Variants in ABTB3 observed in about 807,000 individuals in gnomAD.
ABTB3 encodes ankyrin repeat and BTB domain containing 3, also known as ankyrin repeat- and BTB/POZ domain-containing protein 3.
chr12:107,462,919 G>A, the ABTB3 span, among the ~76,000 whole-genome samples: 49 of 151,676 alleles, frequency 3.2e-4, no homozygotes, highest in Middle Eastern at 3.4e-3. Flanking sequence ...GTGTAGTGAC[G>A]GTGATGATGA....
At chr12:107,376,226 T>C in the ABTB3 span, among the ~76,000 whole-genome samples, 1 of 152,126 alleles carries the variant, frequency 6.6e-6, no homozygotes, top group African/African-American at 2.4e-5. Context: ...CTTCACAGGG[T>C]ATGTATTACA....
chr12:107,525,383 A>C, the ABTB3 span, among the ~76,000 whole-genome samples: 1 of 151,738 alleles, frequency 6.6e-6, no homozygotes. Context: ...AAAGAGAAAA[A>C]ATATTACTGC....
chr12:107,441,659 C>A, the ABTB3 span, among the ~76,000 whole-genome samples: 1 of 151,548 alleles, frequency 6.6e-6, no homozygotes, highest in Admixed American at 6.6e-5. Context: ...CTGGGGGGTC[C>A]AGACACAGTG....
the ABTB3 span, among the ~76,000 whole-genome samples, chr12:107,562,708 A>G: frequency 6.6e-6 from 1 of 152,268 alleles, no homozygotes; most frequent in Admixed American, 6.5e-5. Flanking sequence ...TTGTCTTAGT[A>G]TAGGCTCTAA....
At chr12:107,467,370 T>A in the ABTB3 span, among the ~76,000 whole-genome samples, 6 of 152,082 alleles carry the variant, frequency 3.9e-5, no homozygotes, top group African/African-American at 2.4e-5. Context: ...TGGCCAGTGA[T>A]CCCAGCAGGC....
At chr12:107,426,499 A>T in the ABTB3 span, among the ~76,000 whole-genome samples, 55 of 151,678 alleles carry the variant, frequency 3.6e-4, no homozygotes, top group African/African-American at 1.3e-3. Context: ...CTTCCTGCTC[A>T]CTCAACCCGA....
chr12:107,441,774 C>CAAAA, the ABTB3 span, among the ~76,000 whole-genome samples: 44 of 80,044 alleles, frequency 5.5e-4, 3 homozygotes, highest in African/African-American at 2.4e-3. Context: ...CTTGTCTCTA[C>CAAAA]AAAAAAAAAA....
At chr12:107,611,702 G>A in the ABTB3 span, among the ~76,000 whole-genome samples, 2 of 152,242 alleles carry the variant, frequency 1.3e-5, no homozygotes, top group East Asian at 3.9e-4. Flanking sequence ...TTTTCTTAAG[G>A]TTCTCAATCT....
the ABTB3 span, among the ~76,000 whole-genome samples, chr12:107,505,041 G>A: frequency 6.6e-6 from 1 of 152,216 alleles, no homozygotes; most frequent in East Asian, 1.9e-4. Flanking sequence ...GAAGTGGAGA[G>A]CTGGTAACAG....
At chr12:107,440,750 G>C in the ABTB3 span, among the ~76,000 whole-genome samples, 7 of 152,166 alleles carry the variant, frequency 4.6e-5, no homozygotes, top group Non-Finnish European at 8.8e-5. Flanking sequence ...GGAAATGGAA[G>C]GGAGGCAGGG....
the ABTB3 span, among the ~76,000 whole-genome samples, chr12:107,374,110 G>A: frequency 6.6e-6 from 1 of 152,158 alleles, no homozygotes; most frequent in Non-Finnish European, 1.5e-5. Context: ...CAGGGAAGGG[G>A]GCTGGGGGCA....
At chr12:107,391,613 C>G in the ABTB3 span, among the ~76,000 whole-genome samples, 45 of 152,188 alleles carry the variant, frequency 3.0e-4, no homozygotes, top group African/African-American at 1.1e-3. Flanking sequence ...ATGTGGACCC[C>G]AGACTTTAAC....
chr12:107,550,582 TC>T, the ABTB3 span, among the ~76,000 whole-genome samples: 1 of 140,058 alleles, frequency 7.1e-6, no homozygotes, highest in Non-Finnish European at 1.5e-5. Flanking sequence ...TTTCTTTCTT[TC>T]TTTTTTTTTT....
chr12:107,522,178 T>A, the ABTB3 span, among the ~76,000 whole-genome samples: 1 of 152,160 alleles, frequency 6.6e-6, no homozygotes, highest in Non-Finnish European at 1.5e-5. Context: ...CCTCATGGAC[T>A]CATCTAACCC....
chr12:107,647,771 A>G, the ABTB3 span, among the ~76,000 whole-genome samples: 1 of 152,172 alleles, frequency 6.6e-6, no homozygotes, highest in Non-Finnish European at 1.5e-5. Context: ...CTTCATCACA[A>G]TTCCATGAGG....
At chr12:107,388,892 C>G in the ABTB3 span, among the ~76,000 whole-genome samples, 2 of 152,074 alleles carry the variant, frequency 1.3e-5, no homozygotes, top group Admixed American at 6.6e-5. Context: ...TCCTCTTCAA[C>G]TCTTCCATGG....
chr12:107,521,686 T>G, the ABTB3 span, among the ~76,000 whole-genome samples: 1 of 52,554 alleles, frequency 1.9e-5, no homozygotes, highest in African/African-American at 7.4e-5. Flanking sequence ...CCCCACCCCC[T>G]ACCCTCCCCA....
the ABTB3 span, among the ~76,000 whole-genome samples, chr12:107,562,300 C>T: frequency 3.3e-5 from 5 of 152,300 alleles, no homozygotes; most frequent in Admixed American, 6.5e-5. Context: ...ACTGGGTACT[C>T]AAACCAAGAA....
At chr12:107,363,250 A>G in the ABTB3 span, among the ~76,000 whole-genome samples, 1 of 152,204 alleles carries the variant, frequency 6.6e-6, no homozygotes, top group African/African-American at 2.4e-5. Context: ...TTAAATTACC[A>G]TGAGCAGCAA....
Sources: gnomAD v4.1 joint callset for allele counts (sites outside exome capture counted in the v4.1 genomes callset) on GRCh38, gnomAD v4.1.1 for gene constraint, MANE v1.5 for transcripts, NCBI Gene and HGNC (gene_info 2026-07-23, HGNC 2026-07-21) for gene names.